HIVEP3: variants seen among roughly 807,000 people sequenced by gnomAD.
HIVEP3 encodes the protein HIVEP zinc finger 3.
A neutral mutation model predicts 152.8 loss-of-function variants in HIVEP3; 49 were observed. That is an observed-to-expected ratio of 0.32 (90% CI 0.26 to 0.41). The LOEUF (loss-of-function observed/expected upper bound fraction) is 0.41, where lower values mean the gene tolerates loss of function less well. Among genes scored for constraint, HIVEP3 ranks in the 10% least tolerant of loss-of-function variants. The pLI is 1.00. For missense variants in HIVEP3, 2,790 were observed against 3,103.3 expected (o/e 0.90, Z 2.40); for synonymous variants, 1,269 against 1,289.0 (o/e 0.98, Z 0.33).
intron 2 of HIVEP3, among the ~76,000 whole-genome samples, chr1:41,659,871 C>T (rs1645685535): frequency 6.6e-6 from 1 of 152,258 alleles, no homozygotes; most frequent in Non-Finnish European, 1.5e-5. Context: ...CCCTCACCAG[C>T]TCTGGGGACA....
chr1:41,792,872 T>C (rs1333312424), intron 1 of HIVEP3, among the ~76,000 whole-genome samples: 1 of 152,240 alleles, frequency 6.6e-6, no homozygotes, highest in African/African-American at 2.4e-5. Context: ...AGCTCTGTTT[T>C]AATATATTGC....
At chr1:41,872,191 G>A (rs1194906747) in intron 1 of HIVEP3, among the ~76,000 whole-genome samples, 1 of 152,196 alleles carries the variant, frequency 6.6e-6, no homozygotes, top group Non-Finnish European at 1.5e-5. Flanking sequence ...CAGAATCACA[G>A]CAGGTTCACA....
intron 1 of HIVEP3, among the ~76,000 whole-genome samples, chr1:41,701,886 C>T (rs1193253530): frequency 6.6e-6 from 1 of 152,130 alleles, no homozygotes; most frequent in African/African-American, 2.4e-5. Flanking sequence ...ATTCAACAGA[C>T]ATTTATGGAG....
At chr1:41,529,187 C>T (rs1465106162) in intron 5 of HIVEP3, among the ~76,000 whole-genome samples, 8 of 130,532 alleles carry the variant, frequency 6.1e-5, no homozygotes, top group Non-Finnish European at 1.2e-4. Context: ...CACCCTCACA[C>T]TCACATGCTT....
chr1:41,914,641 G>T (rs950469167), intron 1 of HIVEP3, among the ~76,000 whole-genome samples: 3 of 152,218 alleles, frequency 2.0e-5, no homozygotes. Context: ...CACTGCTCGT[G>T]TATCTCAGCC....
chr1:41,977,130 T>G (rs1344573106), intron 1 of HIVEP3, among the ~76,000 whole-genome samples: 1 of 151,788 alleles, frequency 6.6e-6, no homozygotes, highest in Non-Finnish European at 1.5e-5. Context: ...GGAGAATGAG[T>G]TGGGGCCTAT....
chr1:41,896,864 G>A (rs1644536959), intron 1 of HIVEP3, among the ~76,000 whole-genome samples: 1 of 152,106 alleles, frequency 6.6e-6, no homozygotes, highest in Non-Finnish European at 1.5e-5. Context: ...GTGAGCCACT[G>A]CGCCTGGCCA....
At chr1:41,627,555 C>T (rs1256062833) in intron 3 of HIVEP3, among the ~76,000 whole-genome samples, 1 of 152,198 alleles carries the variant, frequency 6.6e-6, no homozygotes, top group African/African-American at 2.4e-5. Flanking sequence ...GGCAGAGACA[C>T]AGGCTCTAGC....
intron 1 of HIVEP3, among the ~76,000 whole-genome samples, chr1:41,780,711 C>G (rs960449890): frequency 2.6e-5 from 4 of 152,146 alleles, no homozygotes; most frequent in Non-Finnish European, 5.9e-5. Context: ...CTGCTTCTGT[C>G]TGGGGCTCGG....
At chr1:41,666,647 C>T (rs1645800736) in intron 2 of HIVEP3, among the ~76,000 whole-genome samples, 1 of 152,166 alleles carries the variant, frequency 6.6e-6, no homozygotes, top group Admixed American at 6.5e-5. Context: ...AGCCCGAAGC[C>T]AGAAGCCCTT....
chr1:41,976,763 G>A (rs1289019745), intron 1 of HIVEP3, among the ~76,000 whole-genome samples: 1 of 152,128 alleles, frequency 6.6e-6, no homozygotes, highest in East Asian at 1.9e-4. Flanking sequence ...ATAAAAAGGG[G>A]AAATGTGAAC....
At chr1:41,661,954 G>A (rs1002528018) in intron 2 of HIVEP3, among the ~76,000 whole-genome samples, 9 of 152,150 alleles carry the variant, frequency 5.9e-5, no homozygotes, top group African/African-American at 2.2e-4. Flanking sequence ...AGAAGCCGGG[G>A]CCCCTCACTC....
At chr1:41,670,804 G>A (rs1645863812) in intron 2 of HIVEP3, among the ~76,000 whole-genome samples, 1 of 152,156 alleles carries the variant, frequency 6.6e-6, no homozygotes, top group Admixed American at 6.5e-5. Context: ...AGGCAAAGGG[G>A]CAACCAGTGC....
chr1:41,629,625 G>C (rs1161966453), intron 2 of HIVEP3, among the ~76,000 whole-genome samples: 1 of 152,058 alleles, frequency 6.6e-6, no homozygotes, highest in Non-Finnish European at 1.5e-5. Context: ...GACACGAATA[G>C]ACACTTCTCA....
chr1:41,805,523 T>C (rs991606530), intron 1 of HIVEP3, among the ~76,000 whole-genome samples: 1 of 152,158 alleles, frequency 6.6e-6, no homozygotes, highest in African/African-American at 2.4e-5. Context: ...TTGGGCAAGC[T>C]GGGGGCTCTC....
intron 1 of HIVEP3, among the ~76,000 whole-genome samples, chr1:42,011,288 A>C (rs946501206): frequency 2.0e-5 from 3 of 152,228 alleles, no homozygotes; most frequent in African/African-American, 7.2e-5. Flanking sequence ...TGGAAAACCA[A>C]TATAATGTGG....
At chr1:41,850,334 A>G (rs113947522) in intron 1 of HIVEP3, among the ~76,000 whole-genome samples, 1 of 151,016 alleles carries the variant, frequency 6.6e-6, no homozygotes, top group Non-Finnish European at 1.5e-5. Context: ...CACACACACA[A>G]AGAAAAACTG....
At chr1:41,585,939 C>T (rs190729469) in intron 3 of HIVEP3, among the ~76,000 whole-genome samples, 1 of 152,282 alleles carries the variant, frequency 6.6e-6, no homozygotes, top group African/African-American at 2.4e-5. Flanking sequence ...CAAGGGACAT[C>T]ATTCACTGCT....
intron 1 of HIVEP3, among the ~76,000 whole-genome samples, chr1:41,795,023 A>C (rs1158672329): frequency 6.6e-6 from 1 of 152,224 alleles, no homozygotes; most frequent in Admixed American, 6.5e-5. Flanking sequence ...AAATGGACCT[A>C]AGACTATATA....
Sources: allele counts gnomAD v4.1 joint callset (sites outside exome capture counted in the v4.1 genomes callset), GRCh38; gene constraint gnomAD v4.1.1; transcripts MANE v1.5; gene names NCBI Gene and HGNC (gene_info 2026-07-23, HGNC 2026-07-21).